TTBK2: variants seen among roughly 807,000 people sequenced by gnomAD.
The protein encoded by TTBK2 is tau-tubulin kinase 2.
In TTBK2, 28 loss-of-function variants were observed where a neutral mutation model predicts 110.8. The observed-to-expected ratio is 0.25, with a 90% CI of 0.19 to 0.35. The LOEUF is 0.35. TTBK2 is among the 10% of genes least tolerant of loss of function. The probability of loss-of-function intolerance (pLI) is 1.00; values close to 1 mark genes in which losing one functional copy is unlikely to be tolerated. For missense variants in TTBK2, 1,369 were observed against 1,500.3 expected, an observed-to-expected ratio of 0.91 and a Z score of 1.45; for synonymous variants, 532 against 527.3, an observed-to-expected ratio of 1.01 and a Z score of -0.12.
rs550155061 is a variant in TTBK2 at position 42,918,740 on chromosome 15, A to G, written c.-68+1698T>C. Among the ~76,000 whole-genome samples, 11 of 152,312 alleles carry G rather than the reference A, an allele frequency of 7.2e-5. No individual in the cohort carries two copies. In the South Asian group the frequency reaches 2.3e-3, roughly 32 times the overall value. Reference sequence around the variant, plus strand: ...CCCACATAATTGAGTTCAATTTGCTAAAGCAAATGAGGTCTAACCTCTTGA... The same window carrying G: ...CCCACATAATTGAGTTCAATTTGCTGAAGCAAATGAGGTCTAACCTCTTGA... On this transcript the variant is annotated intron_variant, in intron 1 of 14. Coordinates refer to ENST00000267890, the MANE Select transcript of TTBK2 (RefSeq NM_173500.4).
Position 42,878,663 on chromosome 15 carries a change from C to T in TTBK2, c.-46G>A, listed in dbSNP as rs1400773798. ...GAACAGCTACACAGGCATCCAGTTCCCAAGGGTGGTTTCCATTTAACCTAA... is the reference window on the plus strand; with the variant it reads ...GAACAGCTACACAGGCATCCAGTTCTCAAGGGTGGTTTCCATTTAACCTAA... On this transcript the variant is annotated 5_prime_UTR_variant, in exon 2 of 15. Transcript: ENST00000267890. 2 of 1,613,360 alleles carry T rather than the reference C, an allele frequency of 1.2e-6. No homozygotes were observed. Among genetic ancestry groups the T allele is most frequent in the African/African-American group, 2.7e-5 (2 of 74,864 alleles).
chr15:42,825,155 T>C (rs1174849736), intron 6 of TTBK2, among the ~76,000 whole-genome samples: 1 of 151,928 alleles, frequency 6.6e-6, no homozygotes, highest in Non-Finnish European at 1.5e-5. Flanking sequence ...GAAAGGAATA[T>C]GAGAGGGAAG....
At position 42,766,446 on chromosome 15, in the gene TTBK2, CAAAAAAAA is replaced by C. The variant is rs567972612; in HGVS notation, c.1998+8681_1998+8688del. Among the ~76,000 whole-genome samples the C allele has an allele frequency of 6.5e-5, 2 of 30,860 alleles. 1 individual carries two copies. The highest frequency in any genetic ancestry group is 1.0e-4 in the Non-Finnish European group (2 of 19,168). 20.2% of individuals were successfully genotyped at this position (30,860 alleles called of 152,430 possible). A position where few individuals can be genotyped will look rare whatever the true frequency, so the allele number is the denominator to read the frequency against. On this transcript the variant is annotated intron_variant, in intron 13 of 14. Transcript: ENST00000267890. ...GAAGATCTACCAAGCGAATGGAAAG[CAAAAAAAA>C]AAAAAAAAAAAAAGCAAGGGTTGCA...
chr15:42,864,861 T>C (rs903164622), intron 3 of TTBK2, among the ~76,000 whole-genome samples: 1 of 152,146 alleles, frequency 6.6e-6, no homozygotes, highest in Non-Finnish European at 1.5e-5. Context: ...GATAACAGTT[T>C]GCTCAAAATA....
At chr15:42,911,634 T>C (rs2030759402) in intron 1 of TTBK2, among the ~76,000 whole-genome samples, 1 of 152,160 alleles carries the variant, frequency 6.6e-6, no homozygotes, top group Non-Finnish European at 1.5e-5. Flanking sequence ...GCCAACTGCC[T>C]CATATAAATG....
At chr15:42,798,941 T>C (rs1891059491) in intron 9 of TTBK2, among the ~76,000 whole-genome samples, 1 of 152,030 alleles carries the variant, frequency 6.6e-6, no homozygotes, top group African/African-American at 2.4e-5. Flanking sequence ...AATCTGAAAA[T>C]CGAAAATCCA....
At chr15:42,863,730 G>C (rs1894249720) in intron 3 of TTBK2, among the ~76,000 whole-genome samples, 1 of 152,098 alleles carries the variant, frequency 6.6e-6, no homozygotes, top group African/African-American at 2.4e-5. Flanking sequence ...CACAAAAACA[G>C]ACACACAGAC....
At chr15:42,764,782 G>A (rs533430341) in intron 13 of TTBK2, among the ~76,000 whole-genome samples, 65 of 152,352 alleles carry the variant, frequency 4.3e-4, no homozygotes, top group African/African-American at 9.9e-4. Flanking sequence ...GTTTGAGCTC[G>A]GAGAATGGAC....
intron 1 of TTBK2, among the ~76,000 whole-genome samples, chr15:42,890,959 C>G (rs1895432527): frequency 6.6e-6 from 1 of 152,102 alleles, no homozygotes; most frequent in Non-Finnish European, 1.5e-5. Context: ...ACCTCTGCCT[C>G]CAGGGTTCAA....
chr15:42,907,315 A>G (rs1019061492), intron 1 of TTBK2, among the ~76,000 whole-genome samples: 3 of 152,190 alleles, frequency 2.0e-5, no homozygotes, highest in East Asian at 1.9e-4. Flanking sequence ...TTATCCAGCA[A>G]TTCCACTATT....
intron 4 of TTBK2, among the ~76,000 whole-genome samples, chr15:42,834,780 G>C (rs192105164): frequency 7.6e-4 from 115 of 152,284 alleles, no homozygotes; most frequent in African/African-American, 2.7e-3. Flanking sequence ...GGGAGGTTGA[G>C]GCAGGAGAAT....
intron 6 of TTBK2, among the ~76,000 whole-genome samples, chr15:42,818,144 T>C (rs1892119818): frequency 1.3e-5 from 2 of 152,166 alleles, no homozygotes; most frequent in Admixed American, 6.5e-5. Context: ...GGTGTAATCA[T>C]AGTTCACAGC....
intron 1 of TTBK2, among the ~76,000 whole-genome samples, chr15:42,902,273 C>T (rs2030089944): frequency 6.6e-6 from 1 of 151,386 alleles, no homozygotes; most frequent in Admixed American, 6.6e-5. Context: ...GTAATCCCAG[C>T]ATTTCGGGAG....
chr15:42,872,463 C>G, intron 3 of TTBK2, 148 bp downstream of exon 3: 2 of 897,408 alleles, frequency 2.2e-6, no homozygotes, highest in Non-Finnish European at 3.4e-6. Flanking sequence ...ATAAAATTTC[C>G]AAGAGAAAAA....
At chr15:42,815,946 A>T (rs1225028624) in intron 7 of TTBK2, among the ~76,000 whole-genome samples, 3 of 24,580 alleles carry the variant, frequency 1.2e-4, no homozygotes, top group African/African-American at 5.3e-4. Flanking sequence ...ATATATATAT[A>T]TTTAAAAAAA....
intron 4 of TTBK2, among the ~76,000 whole-genome samples, chr15:42,837,266 G>C (rs1893023630): frequency 6.6e-6 from 1 of 151,326 alleles, no homozygotes; most frequent in African/African-American, 2.4e-5. Flanking sequence ...GCTGAGGCAG[G>C]AGAATCACTT....
chr15:42,863,126 A>G (rs1001120066), intron 3 of TTBK2, among the ~76,000 whole-genome samples: 1 of 152,096 alleles, frequency 6.6e-6, no homozygotes, highest in Non-Finnish European at 1.5e-5. Context: ...AAGTCAAACT[A>G]TCTCTCTTCA....
chr15:42,859,002 A>G (rs1314779445), intron 3 of TTBK2, among the ~76,000 whole-genome samples: 1 of 152,202 alleles, frequency 6.6e-6, no homozygotes, highest in Non-Finnish European at 1.5e-5. Flanking sequence ...ATGCCACAGC[A>G]TTCTGTTCTT....
At chr15:42,860,941 G>C (rs1409142198) in intron 3 of TTBK2, among the ~76,000 whole-genome samples, 1 of 152,000 alleles carries the variant, frequency 6.6e-6, no homozygotes, top group East Asian at 1.9e-4. Flanking sequence ...GAGCCACTGA[G>C]CCTGGCCTAA....
Sources: gnomAD v4.1 joint callset for allele counts (sites outside exome capture counted in the v4.1 genomes callset) on GRCh38, gnomAD v4.1.1 for gene constraint, MANE v1.5 for transcripts, NCBI Gene and HGNC (gene_info 2026-07-23, HGNC 2026-07-21) for gene names.